Variants in ATP11A observed in about 807,000 individuals in gnomAD.
ATP11A encodes the protein ATPase phospholipid transporting 11A.
Under a neutral mutation model 154.4 loss-of-function variants are expected in ATP11A, and 81 were observed. That is an observed-to-expected ratio of 0.52 (90% confidence interval 0.44 to 0.63). ATP11A has a LOEUF of 0.63. Ranked by LOEUF, ATP11A falls within the 30% of genes least tolerant of loss-of-function variation. The pLI is 0.00. For missense variants in ATP11A, 1,316 were observed against 1,474.3 expected (o/e 0.89, Z 1.76); for synonymous variants, 623 against 585.9 (o/e 1.06, Z -0.91).
chr13:112,878,432 ACGTC>A, intron 29 of ATP11A, 129 bp downstream of exon 29: 2 of 950,304 alleles, frequency 2.1e-6, no homozygotes, highest in Non-Finnish European at 3.3e-6. Flanking sequence ...CAGCAGCCTC[ACGTC>A]GGGAAGTCCC....
chr13:112,821,613 G>A (rs535862567), intron 8 of ATP11A, among the ~76,000 whole-genome samples: 2 of 152,280 alleles, frequency 1.3e-5, no homozygotes, highest in South Asian at 2.1e-4. Flanking sequence ...GCCTGGCCTA[G>A]TTTCACTTTT....
At chr13:112,834,728 G>GC in intron 15 of ATP11A, 68 bp downstream of exon 15, 1 of 1,316,782 alleles carries the variant, frequency 7.6e-7, no homozygotes, top group African/African-American at 1.5e-5. Flanking sequence ...ATAAGGTTCT[G>GC]CGTTTGAGGG....
intron 1 of ATP11A, among the ~76,000 whole-genome samples, chr13:112,767,638 T>G (rs2077127275): frequency 6.8e-6 from 1 of 147,724 alleles, no homozygotes; most frequent in Admixed American, 6.7e-5. Flanking sequence ...TTGAAAGGGG[T>G]GTGTGACTCT....
rs1367117353 is a variant in ATP11A, at chr13:112,858,309, C to T, written c.2667+19C>T. On this transcript the variant is annotated intron_variant, in intron 22 of 29. Coordinates refer to ENST00000375645, the MANE Select transcript of ATP11A (RefSeq NM_015205.3). ...CTATAAGGTAGGAGGGTCGCCGCTCCCCCTCACGGTGTTAGCAACAGGTCA... is the reference window on the plus strand; with the variant it reads ...CTATAAGGTAGGAGGGTCGCCGCTCTCCCTCACGGTGTTAGCAACAGGTCA... 1.9e-6 allele frequency: 3 copies of T among 1,600,158 alleles called. No homozygotes were observed. The East Asian group carries it at 6.7e-5, about 36-fold the overall frequency.
At chr13:112,727,914 T>C (rs1347963575) in intron 1 of ATP11A, among the ~76,000 whole-genome samples, 5 of 152,252 alleles carry the variant, frequency 3.3e-5, no homozygotes, top group African/African-American at 9.6e-5. Flanking sequence ...AATCGAATTC[T>C]CCGTGTAACT....
At chr13:112,758,747 A>G (rs957330209) in intron 1 of ATP11A, among the ~76,000 whole-genome samples, 1 of 152,300 alleles carries the variant, frequency 6.6e-6, no homozygotes, top group South Asian at 2.1e-4. Context: ...CTATCTTGCT[A>G]GCTCCTCTCG....
chr13:112,873,529 T>G, intron 26 of ATP11A, 44 bp from the exon 27 acceptor site: 1 of 1,449,298 alleles, frequency 6.9e-7, no homozygotes, highest in South Asian at 1.3e-5. Context: ...TCATTCTCAC[T>G]GCTCAGATGA....
rs1245189601 is a variant in ATP11A at position 112,746,064 on chromosome 13, C to T, written c.40-39071C>T. The T allele has an allele frequency of 1.4e-5, 2 of 146,458 alleles. No individual in the cohort carries two copies. Among genetic ancestry groups the T allele is most frequent in the African/African-American group, 2.7e-5 (1 of 36,900 alleles). The allele number at this position is 146,458 out of a possible 1,614,324, so 9.1% of individuals were successfully genotyped here. On this transcript the variant is annotated intron_variant, in intron 1 of 29. Coordinates refer to ENST00000375645, the MANE Select transcript of ATP11A (RefSeq NM_015205.3). The surrounding 1 kb of genome is among the most constrained non-coding windows in gnomAD (Gnocchi z 4.1). The stretch of plus-strand genomic sequence containing the variant: ...CACGTTCTGTTGTGTGTATACACCA[C>T]GTTTTTCTTGTCCGTTCACCTGTGA...
chr13:112,842,451 C>T (rs2079450141), intron 17 of ATP11A, 72 bp downstream of exon 17: 1 of 1,140,598 alleles, frequency 8.8e-7, no homozygotes, highest in Non-Finnish European at 1.3e-6. Context: ...CCATGTTCCA[C>T]AAGTTCCTGG....
rs1359019964 is a variant in ATP11A at position 112,690,762 on chromosome 13, C to T, written c.39+307C>T. Among the ~76,000 whole-genome samples the T allele has an allele frequency of 1.3e-5, 2 of 152,082 alleles. No homozygotes were observed. The highest frequency in any genetic ancestry group is 2.9e-5 in the Non-Finnish European group (2 of 67,990). On this transcript the variant is annotated intron_variant, in intron 1 of 29. Coordinates refer to ENST00000375645, the MANE Select transcript of ATP11A (RefSeq NM_015205.3). This position sits in a 1 kb window ranked among gnomAD's most constrained non-coding sequence, Gnocchi z 5.6. ...GCGCCCTGGGGGTCCCTCGGAGAGG[C>T]TGGCTGGGGTTCGAGCTGTCCCGGC...
chr13:112,782,495 A>T (rs548269381), intron 1 of ATP11A, among the ~76,000 whole-genome samples: 57 of 152,324 alleles, frequency 3.7e-4, no homozygotes, highest in African/African-American at 1.2e-3. Context: ...CGAGAATGAG[A>T]AGCATCTATT....
Position 112,882,966 on chromosome 13 carries a change from C to T in ATP11A, c.*1100C>T. Reference sequence around the variant, plus strand: ...GCACCGCACCTCTGCCCGCCTCCCGCACTGCAGCTCCGCCCGCCGGGCTCT... The same window carrying T: ...GCACCGCACCTCTGCCCGCCTCCCGTACTGCAGCTCCGCCCGCCGGGCTCT... On this transcript the variant is annotated 3_prime_UTR_variant, in exon 30 of 30. Coordinates refer to ENST00000375645, the MANE Select transcript of ATP11A (RefSeq NM_015205.3). The surrounding 1 kb of genome is among the most constrained non-coding windows in gnomAD (Gnocchi z 5.1). 2.5e-6 allele frequency: 1 copy of T among 399,244 alleles called. No individual in the cohort carries two copies. The highest frequency in any genetic ancestry group is 4.4e-5 in the Admixed American group (1 of 22,732). 24.7% of individuals were successfully genotyped at this position (399,244 alleles called of 1,614,324 possible).
At position 112,832,792 on chromosome 13, in the gene ATP11A, C is replaced by A; in HGVS notation, c.1396-68C>A. On this transcript the variant is annotated intron_variant, in intron 13 of 29. Coordinates refer to ENST00000375645, the MANE Select transcript of ATP11A (RefSeq NM_015205.3). ...CACCCCGCTTCTTGTTATCTCTCTG[C>A]GCCTGTTTCCCTCTATCTTCAGTGG... 3.9e-6 allele frequency: 6 copies of A among 1,553,908 alleles called. 1 individual carries two copies. In the South Asian group the frequency reaches 7.2e-5, roughly 19 times the overall value.
chr13:112,750,644 A>G (rs547682698), intron 1 of ATP11A, among the ~76,000 whole-genome samples: 15 of 151,452 alleles, frequency 9.9e-5, no homozygotes, highest in Admixed American at 4.6e-4. Context: ...GCGGGGTTGA[A>G]TCCCCCTTCA....
chr13:112,779,218 G>A (rs1381454129), intron 1 of ATP11A, among the ~76,000 whole-genome samples: 4 of 144,682 alleles, frequency 2.8e-5, no homozygotes, highest in South Asian at 2.3e-4. Flanking sequence ...GTGAGTAGCC[G>A]CTGGAGTGAG....
intron 25 of ATP11A, among the ~76,000 whole-genome samples, chr13:112,866,265 G>A (rs1172157763): frequency 6.6e-6 from 1 of 152,126 alleles, no homozygotes; most frequent in African/African-American, 2.4e-5. Flanking sequence ...GAATTCCTGT[G>A]TGCTTTGTCG....
At chr13:112,871,512 T>C (rs1399287532) in intron 25 of ATP11A, among the ~76,000 whole-genome samples, 1 of 152,118 alleles carries the variant, frequency 6.6e-6, no homozygotes, top group Admixed American at 6.5e-5. Context: ...GCCACAGAAC[T>C]GGTGGTGGGA....
intron 1 of ATP11A, among the ~76,000 whole-genome samples, chr13:112,733,828 G>T (rs1890727412): frequency 6.6e-6 from 1 of 152,140 alleles, no homozygotes; most frequent in Non-Finnish European, 1.5e-5. Flanking sequence ...TGCTGACATT[G>T]TCCAAGTCAG....
At position 112,845,368 on chromosome 13, in the gene ATP11A, A is replaced by T. The variant is rs1279617538; in HGVS notation, c.1809+2989A>T. Among the ~76,000 whole-genome samples, 3 of 110,508 alleles carry T rather than the reference A, an allele frequency of 2.7e-5. 1 individual carries two copies. The highest frequency in any genetic ancestry group is 1.1e-4 in the African/African-American group (2 of 18,450). 72.5% of individuals were successfully genotyped at this position (110,508 alleles called of 152,430 possible). A position where few individuals can be genotyped will look rare whatever the true frequency, so the allele number is the denominator to read the frequency against. On this transcript the variant is annotated intron_variant, in intron 17 of 29. Transcript: ENST00000375645. Reference sequence around the variant, plus strand: ...CAGTCCAGTTGCCAGCACTAGCGGTACTATTCAGTCCAGTTGCCAGCACTA... The same window carrying T: ...CAGTCCAGTTGCCAGCACTAGCGGTTCTATTCAGTCCAGTTGCCAGCACTA...
Sources: allele counts gnomAD v4.1 joint callset (sites outside exome capture counted in the v4.1 genomes callset), GRCh38; gene constraint gnomAD v4.1.1; non-coding constraint Gnocchi (gnomAD v3.1); transcripts MANE v1.5; gene names NCBI Gene and HGNC (gene_info 2026-07-23, HGNC 2026-07-21).